TASOR: variants seen among roughly 807,000 people sequenced by gnomAD.
TASOR encodes protein TASOR.
In TASOR, 53 loss-of-function variants were observed where a neutral mutation model predicts 178.6. The ratio of observed to expected loss-of-function variants is 0.30; its 90% CI spans 0.24 to 0.37. TASOR has a LOEUF of 0.37. Ranked by LOEUF, TASOR falls within the 10% of genes least tolerant of loss-of-function variation. The probability of loss-of-function intolerance (pLI) is 1.00; values close to 1 mark genes in which losing one functional copy is unlikely to be tolerated. For synonymous variants in TASOR, 713 were observed against 696.2 expected (o/e 1.02, Z -0.38); for missense variants, 1,815 against 1,971.4 (o/e 0.92, Z 1.50).
At position 56,621,630 on chromosome 3, in the gene TASOR, C is replaced by CA; in HGVS notation, c.*1406dup. On this transcript the variant is annotated 3_prime_UTR_variant, in exon 24 of 24. Transcript: ENST00000683822. The stretch of plus-strand genomic sequence containing the variant: ...GTTCTTCATTTTAAATGTAGAAAAT[C>CA]AAATCCTTCACATTTGATTTGTGTC... 6.4e-7 allele frequency: 1 copy of CA among 1,560,444 alleles called. No homozygotes were observed. Among genetic ancestry groups the CA allele is most frequent in the East Asian group, 2.3e-5 (1 of 44,378 alleles).
At chr3:56,668,622 A>T in intron 5 of TASOR, 64 bp from the exon 6 acceptor site, 1 of 1,118,862 alleles carries the variant, frequency 8.9e-7, no homozygotes, top group Non-Finnish European at 1.3e-6. Flanking sequence ...TAACATTAAT[A>T]TTATGAAATA....
chr3:56,639,544 C>T (rs2077081341), intron 16 of TASOR, among the ~76,000 whole-genome samples: 2 of 152,166 alleles, frequency 1.3e-5, no homozygotes, highest in Non-Finnish European at 2.9e-5. Flanking sequence ...ATTAAGAAAT[C>T]AAATTTCTAA....
chr3:56,675,152 C>A (rs1005048045), intron 1 of TASOR, among the ~76,000 whole-genome samples: 1 of 150,486 alleles, frequency 6.6e-6, no homozygotes, highest in Admixed American at 6.6e-5. Flanking sequence ...TCCTCCACAT[C>A]CCCAACCATT....
intron 11 of TASOR, among the ~76,000 whole-genome samples, chr3:56,654,325 C>T (rs187789464): frequency 6.4e-4 from 85 of 132,786 alleles, no homozygotes; most frequent in African/African-American, 2.2e-3. Flanking sequence ...TCTCATTCAT[C>T]ATCACAGATA....
chr3:56,643,124 TATG>T (rs1354809218), intron 14 of TASOR, among the ~76,000 whole-genome samples: 1 of 148,814 alleles, frequency 6.7e-6, no homozygotes, highest in African/African-American at 2.5e-5. Context: ...ATTAGCTGGG[TATG>T]GTGGCACACG....
intron 19 of TASOR, 36 bp from the exon 20 acceptor site, chr3:56,627,777 G>C (rs199682423): frequency 2.5e-6 from 4 of 1,599,476 alleles, no homozygotes; most frequent in Non-Finnish European, 3.4e-6. Flanking sequence ...GAAACAGATG[G>C]AGGGAATGAA....
At position 56,621,273 on chromosome 3, in the gene TASOR, C is replaced by T. The variant is rs1443110314; in HGVS notation, c.*1764G>A. The T allele has an allele frequency of 1.1e-5, 3 of 274,750 alleles. No individual in the cohort carries two copies. The highest frequency in any genetic ancestry group is 2.0e-5 in the Non-Finnish European group (3 of 147,476). The allele number at this position is 274,750 out of a possible 1,614,324, so 17.0% of individuals were successfully genotyped here. A position where few individuals can be genotyped will look rare whatever the true frequency, so the allele number is the denominator to read the frequency against. On this transcript the variant is annotated 3_prime_UTR_variant, in exon 24 of 24. Coordinates refer to ENST00000683822, the MANE Select transcript of TASOR (RefSeq NM_001365635.2). ...GGGGGAGAAGGGATGACTTCATTTACCCCCATAGTTATGGAGTCTTGAGTT... is the reference window on the plus strand; with the variant it reads ...GGGGGAGAAGGGATGACTTCATTTATCCCCATAGTTATGGAGTCTTGAGTT...
At chr3:56,678,864 A>T (rs1165864155) in intron 1 of TASOR, among the ~76,000 whole-genome samples, 1 of 151,892 alleles carries the variant, frequency 6.6e-6, no homozygotes, top group African/African-American at 2.4e-5. Flanking sequence ...TACAAAAATT[A>T]GCTGGGCGTG....
In TASOR at chr3:56,682,783, T is replaced by C. The variant is rs1158843492; in HGVS notation, c.224A>G (p.Gln75Arg). 1.3e-6 allele frequency: 2 copies of C among 1,550,534 alleles called. No individual in the cohort carries two copies. The highest frequency in any genetic ancestry group is 1.7e-6 in the Non-Finnish European group (2 of 1,146,328). Residue 75 changes from glutamine (Q) to arginine (R), a missense_variant, in exon 1 of 24, where the codon CAG becomes CGG. This residue lies in a region of TASOR where 244 missense variants were observed against 202.7 expected (regional missense o/e 1.20). Coordinates refer to ENST00000683822, the MANE Select transcript of TASOR (RefSeq NM_001365635.2). ...AAQSLSHEQP[Q>R]DSSEAGAAAL... ...GGCCGCGCCCGCCTCAGAGGAGTCCTGAGGCTGCTCGTGGCTGAGGCTCTG... is the reference window on the plus strand; with the variant it reads ...GGCCGCGCCCGCCTCAGAGGAGTCCCGAGGCTGCTCGTGGCTGAGGCTCTG...
At chr3:56,639,783 A>C (rs1194466982) in intron 16 of TASOR, among the ~76,000 whole-genome samples, 1 of 152,230 alleles carries the variant, frequency 6.6e-6, no homozygotes, top group Non-Finnish European at 1.5e-5. Flanking sequence ...GTGATTTTGC[A>C]GGTGCTTGCT....
rs1030594469 is a variant in TASOR at position 56,662,480 on chromosome 3, G to A, written c.1065C>T (p.Asn355=). The A allele has an allele frequency of 1.4e-6, 2 of 1,481,332 alleles. No individual in the cohort carries two copies. Among genetic ancestry groups the A allele is most frequent in the Non-Finnish European group, 1.8e-6 (2 of 1,090,934 alleles). 91.8% of individuals were successfully genotyped at this position (1,481,332 alleles called of 1,614,324 possible). Residue 355 remains asparagine, a synonymous_variant, in exon 9 of 24, where the codon AAC becomes AAT. Transcript: ENST00000683822. ...FNTDRNIDKY[N]YTLWKGQLLN... The stretch of plus-strand genomic sequence containing the variant: ...AAAGCTGTCCTTTCCACAAGGTATA[G>A]TTATATTTATCTAAATAAAAAGAAT...
chr3:56,672,106 CTG>C lies in TASOR; in HGVS notation c.478-416_478-415del, dbSNP rs1235586657. 3.9e-5 allele frequency among the ~76,000 whole-genome samples: 6 copies of C among 152,274 alleles called. No individual in the cohort carries two copies. In the East Asian group the frequency reaches 1.2e-3, roughly 29 times the overall value. ...AGAAAAATGCTTCTTTTCTCTGTAA[CTG>C]TATTCTCAATGCCAAGCACATAAGA... is the stretch of plus-strand genomic sequence containing the variant. On this transcript the variant is annotated intron_variant, in intron 2 of 23. Coordinates refer to ENST00000683822, the MANE Select transcript of TASOR (RefSeq NM_001365635.2).
At position 56,627,291 on chromosome 3, in the gene TASOR, C is replaced by G. The variant is rs2076820012; in HGVS notation, c.4031-146G>C. On this transcript the variant is annotated intron_variant, in intron 20 of 23. Coordinates refer to ENST00000683822, the MANE Select transcript of TASOR (RefSeq NM_001365635.2). Reference sequence around the variant, plus strand: ...TTCTCTTTGTCTAAGGGAGACAGATCTATACATGCCTAAAGCTCTAATAAT... The same window carrying G: ...TTCTCTTTGTCTAAGGGAGACAGATGTATACATGCCTAAAGCTCTAATAAT... The G allele has an allele frequency of 6.4e-6, 4 of 628,752 alleles. No homozygotes were observed. The Admixed American group carries it at 8.9e-5, about 14-fold the overall frequency. The allele number at this position is 628,752 out of a possible 1,614,324, so 38.9% of individuals were successfully genotyped here. A position where few individuals can be genotyped will look rare whatever the true frequency, so the allele number is the denominator to read the frequency against.
intron 19 of TASOR, among the ~76,000 whole-genome samples, 185 bp downstream of exon 19, chr3:56,628,307 T>C (rs552181104): frequency 6.6e-6 from 1 of 152,356 alleles, no homozygotes; most frequent in South Asian, 2.1e-4. Context: ...GGAAGATCTG[T>C]GATGTGCAGC....
At chr3:56,649,535 T>C (rs2077306245) in intron 11 of TASOR, among the ~76,000 whole-genome samples, 1 of 152,218 alleles carries the variant, frequency 6.6e-6, no homozygotes, top group Non-Finnish European at 1.5e-5. Context: ...TTTTCACATG[T>C]AAGGGAATTT....
intron 10 of TASOR, 24 bp downstream of exon 10, chr3:56,660,890 T>A: frequency 6.2e-7 from 1 of 1,606,976 alleles, no homozygotes; most frequent in Non-Finnish European, 8.5e-7. Flanking sequence ...TCTAATGCAT[T>A]TCAATAAAAT....
At chr3:56,671,533 A>C (rs1191682300) in intron 3 of TASOR, 67 bp downstream of exon 3, 1 of 1,183,050 alleles carries the variant, frequency 8.5e-7, no homozygotes, top group Non-Finnish European at 1.2e-6. Context: ...CTGTTGAATA[A>C]TCACAAAATT....
intron 18 of TASOR, among the ~76,000 whole-genome samples, chr3:56,630,089 C>A (rs1029903746): frequency 2.0e-5 from 3 of 152,038 alleles, no homozygotes; most frequent in Non-Finnish European, 4.4e-5. Flanking sequence ...CCTCAGCCTC[C>A]CAAGTAGCTG....
intron 5 of TASOR, among the ~76,000 whole-genome samples, chr3:56,668,930 G>A (rs1302116216): frequency 6.6e-6 from 1 of 152,046 alleles, no homozygotes; most frequent in Non-Finnish European, 1.5e-5. Context: ...CCAAGATTGT[G>A]CCACTGCACT....
Sources: gnomAD v4.1 joint callset for allele counts (sites outside exome capture counted in the v4.1 genomes callset) on GRCh38, gnomAD v4.1.1 for gene constraint, gnomAD v4.1.1 regional missense constraint, MANE v1.5 for transcripts, NCBI Gene and HGNC (gene_info 2026-07-23, HGNC 2026-07-21) for gene names.